Variants in VAV3 observed in about 807,000 individuals in gnomAD.
The protein encoded by VAV3 is vav guanine nucleotide exchange factor 3, also known as guanine nucleotide exchange factor VAV3.
A neutral mutation model predicts 131.2 loss-of-function variants in VAV3; 94 were observed. The ratio of observed to expected loss-of-function variants is 0.72; its 90% CI spans 0.61 to 0.85. The LOEUF (loss-of-function observed/expected upper bound fraction) is 0.85. VAV3 is among the 40% of genes least tolerant of loss of function. The pLI, the probability that VAV3 is intolerant of heterozygous loss-of-function variation, is 0.00. For synonymous variants in VAV3, 349 were observed against 342.0 expected, an observed-to-expected ratio of 1.02 and a Z score of -0.22; for missense variants, 939 against 1,002.7, an observed-to-expected ratio of 0.94 and a Z score of 0.86.
chr1:107,907,150 C>T (rs1672147922), intron 1 of VAV3, among the ~76,000 whole-genome samples: 3 of 152,144 alleles, frequency 2.0e-5, no homozygotes, highest in Non-Finnish European at 2.9e-5. Flanking sequence ...CAGAAAAGGC[C>T]ATGGACCACA....
At chr1:107,722,998 T>C (rs1474227098) in intron 15 of VAV3, among the ~76,000 whole-genome samples, 2 of 152,170 alleles carry the variant, frequency 1.3e-5, no homozygotes, top group East Asian at 3.9e-4. Flanking sequence ...ATTTTTAGCT[T>C]ACCCCTTAGT....
chr1:107,858,404 G>C (rs1284386535), intron 2 of VAV3, among the ~76,000 whole-genome samples: 1 of 152,102 alleles, frequency 6.6e-6, no homozygotes, highest in African/African-American at 2.4e-5. Flanking sequence ...AAAAATTTAA[G>C]TCAGATACCA....
intron 17 of VAV3, among the ~76,000 whole-genome samples, chr1:107,703,591 G>C (rs937720767): frequency 6.6e-6 from 1 of 152,192 alleles, no homozygotes; most frequent in South Asian, 2.1e-4. Context: ...GATCTCAGTC[G>C]TCTAATAGGA....
chr1:107,706,129 T>A (rs1284215619), intron 15 of VAV3, among the ~76,000 whole-genome samples: 2 of 152,094 alleles, frequency 1.3e-5, no homozygotes, highest in Non-Finnish European at 2.9e-5. Flanking sequence ...GGGGTACACC[T>A]AGAAAGCTAA....
chr1:107,901,242 C>T (rs1304874399), intron 1 of VAV3, among the ~76,000 whole-genome samples: 1 of 152,124 alleles, frequency 6.6e-6, no homozygotes, highest in East Asian at 1.9e-4. Context: ...TGTCCCATAA[C>T]CTACTAGTTT....
intron 19 of VAV3, among the ~76,000 whole-genome samples, chr1:107,648,465 C>T (rs1655904641): frequency 6.6e-6 from 1 of 151,902 alleles, no homozygotes; most frequent in Non-Finnish European, 1.5e-5. Flanking sequence ...TATACATGTA[C>T]ATTTTATTGG....
chr1:107,932,859 C>T (rs1041269114), intron 1 of VAV3, among the ~76,000 whole-genome samples: 3 of 152,210 alleles, frequency 2.0e-5, no homozygotes, highest in Admixed American at 6.5e-5. Flanking sequence ...AAATTAATTT[C>T]CTCCTTGAAG....
At chr1:107,927,314 G>C (rs769077639) in intron 1 of VAV3, among the ~76,000 whole-genome samples, 9 of 152,132 alleles carry the variant, frequency 5.9e-5, no homozygotes, top group Non-Finnish European at 1.0e-4. Flanking sequence ...TACACCATGG[G>C]CCTCAGATCA....
At chr1:107,767,718 G>C (rs928939103) in intron 7 of VAV3, among the ~76,000 whole-genome samples, 1 of 152,130 alleles carries the variant, frequency 6.6e-6, no homozygotes, top group African/African-American at 2.4e-5. Context: ...TGCGTGCATG[G>C]GGGTGGGGAT....
intron 1 of VAV3, among the ~76,000 whole-genome samples, chr1:107,932,867 A>G (rs570759584): frequency 5.5e-4 from 84 of 152,322 alleles, no homozygotes; most frequent in African/African-American, 1.9e-3. Context: ...TTCCTCCTTG[A>G]AGCCTCTTAA....
chr1:107,761,412 A>G (rs1376941038), intron 9 of VAV3, among the ~76,000 whole-genome samples: 5 of 151,886 alleles, frequency 3.3e-5, no homozygotes, highest in Non-Finnish European at 5.9e-5. Context: ...AAAAAAAAGA[A>G]AAAAGAAAAA....
chr1:107,613,761 G>A lies in VAV3; in HGVS notation c.1981-3796C>T, dbSNP rs189203358. ...GAGTGTATGTTGCCTAGGACTTTAT[G>A]TTAAAAATCCTTTGAGGAATGTGTG... On this transcript the variant is annotated intron_variant, in intron 21 of 26. Transcript: ENST00000370056. 1.9e-3 allele frequency among the ~76,000 whole-genome samples: 295 copies of A among 152,220 alleles called. 5 individuals carry two copies. Among genetic ancestry groups the A allele is most frequent in the Non-Finnish European group, 3.4e-4 (23 of 67,990 alleles).
intron 25 of VAV3, among the ~76,000 whole-genome samples, chr1:107,590,794 T>A (rs1650888655): frequency 6.6e-6 from 1 of 152,156 alleles, no homozygotes; most frequent in Admixed American, 6.6e-5. Flanking sequence ...CCTGCCACTA[T>A]CCTTCTCTGC....
At chr1:107,782,057 C>G (rs1048748581) in intron 2 of VAV3, among the ~76,000 whole-genome samples, 5 of 152,094 alleles carry the variant, frequency 3.3e-5, no homozygotes, top group African/African-American at 1.2e-4. Context: ...TGCATCTTAT[C>G]CTAATATATC....
At chr1:107,945,178 A>G (rs1674190520) in intron 1 of VAV3, among the ~76,000 whole-genome samples, 2 of 152,216 alleles carry the variant, frequency 1.3e-5, no homozygotes, top group Non-Finnish European at 2.9e-5. Context: ...GATAGATATT[A>G]AACTATGTTT....
intron 19 of VAV3, 95 bp downstream of exon 19, chr1:107,683,393 C>A: frequency 7.0e-7 from 1 of 1,432,096 alleles, no homozygotes; most frequent in South Asian, 1.2e-5. Context: ...GGAACAAAGG[C>A]CAACAATATG....
intron 15 of VAV3, among the ~76,000 whole-genome samples, chr1:107,737,075 G>A (rs932498284): frequency 6.6e-6 from 1 of 152,104 alleles, no homozygotes; most frequent in Non-Finnish European, 1.5e-5. Context: ...TCTGATCTTT[G>A]ACAATCCTGA....
chr1:107,900,740 T>TA (rs1437482418), intron 1 of VAV3, among the ~76,000 whole-genome samples: 1 of 152,240 alleles, frequency 6.6e-6, no homozygotes. Flanking sequence ...ATGGAGAAGA[T>TA]ATGCTCAGTT....
intron 19 of VAV3, among the ~76,000 whole-genome samples, chr1:107,678,617 C>A (rs1658383853): frequency 6.6e-6 from 1 of 151,948 alleles, no homozygotes; most frequent in African/African-American, 2.4e-5. Context: ...TAAAAGAAAT[C>A]AACAATTCTG....
Sources: allele counts gnomAD v4.1 joint callset (sites outside exome capture counted in the v4.1 genomes callset), GRCh38; gene constraint gnomAD v4.1.1; transcripts MANE v1.5; gene names NCBI Gene and HGNC (gene_info 2026-07-23, HGNC 2026-07-21).